Variants in SLC2A12 observed in about 807,000 individuals in gnomAD.
SLC2A12 encodes the protein solute carrier family 2, facilitated glucose transporter member 12.
Under a neutral mutation model 41.8 loss-of-function variants are expected in SLC2A12, and 23 were observed. The observed-to-expected ratio is 0.55, with a 90% confidence interval of 0.40 to 0.78. SLC2A12 has a LOEUF of 0.78. SLC2A12 is among the 30% of genes least tolerant of loss of function. The pLI is 0.00. For synonymous variants in SLC2A12, 295 were observed against 285.9 expected (o/e 1.03, Z -0.32); for missense variants, 654 against 745.6 (o/e 0.88, Z 1.43).
At chr6:134,028,354 C>A (rs755233856) in intron 2 of SLC2A12, 27 bp downstream of exon 2, 4 of 1,568,512 alleles carry the variant, frequency 2.6e-6, no homozygotes, top group Non-Finnish European at 3.5e-6. Flanking sequence ...TGGTCAAAAG[C>A]AATACATTAA....
chr6:134,010,848 T>G (rs1776871631), intron 2 of SLC2A12, among the ~76,000 whole-genome samples: 1 of 152,208 alleles, frequency 6.6e-6, no homozygotes, highest in African/African-American at 2.4e-5. Flanking sequence ...TCAATGGAAA[T>G]GGCAGCCCTG....
At chr6:134,015,076 CTTAA>C (rs2114447337) in intron 2 of SLC2A12, among the ~76,000 whole-genome samples, 1 of 152,250 alleles carries the variant, frequency 6.6e-6, no homozygotes, top group South Asian at 2.1e-4. Flanking sequence ...TGACCTTTGA[CTTAA>C]TTAGTTGAGA....
chr6:134,006,844 A>G lies in SLC2A12; in HGVS notation c.1535T>C (p.Leu512Pro). 6.2e-7 allele frequency: 1 copy of G among 1,614,186 alleles called. No individual in the cohort carries two copies. The highest frequency in any genetic ancestry group is 8.5e-7 in the Non-Finnish European group (1 of 1,180,024). The change falls in exon 3 of 5, where the codon CTC becomes CCC. Residue 512 changes from leucine to proline, a missense_variant. Transcript: ENST00000275230. ...LTSSMNWGIN[L>P]LISLTFLTVT... The stretch of plus-strand genomic sequence containing the variant: ...AGTCAAAAATGTCAGCGAGATGAGG[A>G]GATTGATGCCCCAGTTCATGCTAGA...
chr6:134,028,503 C>T lies in SLC2A12; in HGVS notation c.1322G>A (p.Gly441Glu). The T allele has an allele frequency of 1.2e-6, 2 of 1,614,198 alleles. No individual in the cohort carries two copies. Among genetic ancestry groups the T allele is most frequent in the Non-Finnish European group, 1.7e-6 (2 of 1,180,032 alleles). The part of the protein sequence containing the change: ...ETTSASLLNA[G>E]LSHTEYQIVT... ...TATCTGGTATTCAGTGTGGCTTAAT[C>T]CAGCATTTAGCAAGGATGCTGAGGT... Residue 441 changes from glycine to glutamate, a missense_variant, in exon 2 of 5, where the codon GGA (glycine) becomes GAA (glutamate). By Grantham distance (98) the Gly-to-Glu change is moderately conservative (BLOSUM62 -2). This residue lies in a region of SLC2A12 where 411 missense variants were observed against 412.1 expected (regional missense o/e 1.00). Coordinates refer to ENST00000275230, the MANE Select transcript of SLC2A12 (RefSeq NM_145176.3).
intron 4 of SLC2A12, among the ~76,000 whole-genome samples, chr6:133,996,788 G>A (rs962740203): frequency 6.6e-6 from 1 of 152,070 alleles, no homozygotes; most frequent in African/African-American, 2.4e-5. Flanking sequence ...CTACCACCTC[G>A]CATTTCCTTA....
At chr6:134,016,189 T>C (rs1776959678) in intron 2 of SLC2A12, among the ~76,000 whole-genome samples, 1 of 151,994 alleles carries the variant, frequency 6.6e-6, no homozygotes, top group South Asian at 2.1e-4. Flanking sequence ...TAATAAATAG[T>C]CTTGGAGATA....
At position 134,006,835 on chromosome 6, in the gene SLC2A12, G is replaced by A. The variant is rs1303422642; in HGVS notation, c.1544C>T (p.Ser515Leu). The A allele has an allele frequency of 3.1e-6, 5 of 1,614,094 alleles. No homozygotes were observed. The highest frequency in any genetic ancestry group is 3.4e-6 in the Non-Finnish European group (4 of 1,179,996). Residue 515 changes from serine to leucine, a missense_variant, in exon 3 of 5, where the codon TCG (serine) becomes TTG (leucine). Coordinates refer to ENST00000275230, the MANE Select transcript of SLC2A12 (RefSeq NM_145176.3). ...ACCAGTTACAGTCAAAAATGTCAGC[G>A]AGATGAGGAGATTGATGCCCCAGTT... ...SMNWGINLLISLTFLTVTDLI... is the reference protein window; with the variant it reads ...SMNWGINLLILLTFLTVTDLI...
At chr6:134,011,664 C>G (rs550499276) in intron 2 of SLC2A12, among the ~76,000 whole-genome samples, 2 of 152,114 alleles carry the variant, frequency 1.3e-5, no homozygotes, top group Admixed American at 1.3e-4. Context: ...AACAGGAGAT[C>G]GAGGCTGCAG....
intron 2 of SLC2A12, among the ~76,000 whole-genome samples, chr6:134,013,813 G>T (rs1352977892): frequency 6.6e-6 from 1 of 152,100 alleles, no homozygotes; most frequent in African/African-American, 2.4e-5. Context: ...ACTCATTTTT[G>T]AACAGCTACA....
intron 3 of SLC2A12, 138 bp downstream of exon 3, chr6:134,006,674 G>T (rs2114433382): frequency 9.5e-7 from 1 of 1,053,954 alleles, no homozygotes; most frequent in Non-Finnish European, 1.3e-6. Flanking sequence ...TGGGTCATGG[G>T]TACTTCAGGG....
chr6:134,025,445 AC>A, intron 2 of SLC2A12, among the ~76,000 whole-genome samples: 1 of 152,368 alleles, frequency 6.6e-6, no homozygotes, highest in South Asian at 2.1e-4. Context: ...TATTTGACAT[AC>A]TAGGTGTCAA....
intron 2 of SLC2A12, among the ~76,000 whole-genome samples, chr6:134,010,100 A>G (rs1241429745): frequency 6.6e-6 from 1 of 152,238 alleles, no homozygotes; most frequent in African/African-American, 2.4e-5. Context: ...GTTTCAGTTC[A>G]TAAGTAAGGA....
chr6:134,010,249 G>C (rs1776862358), intron 2 of SLC2A12, among the ~76,000 whole-genome samples: 1 of 152,106 alleles, frequency 6.6e-6, no homozygotes, highest in Non-Finnish European at 1.5e-5. Flanking sequence ...TCTCCCCAAG[G>C]AAAATTAAAT....
chr6:134,052,611 T>A lies in SLC2A12; in HGVS notation c.-131A>T, dbSNP rs1773708527. 4.5e-6 allele frequency: 3 copies of A among 666,324 alleles called. No homozygotes were observed. The African/African-American group carries it at 5.4e-5, about 12-fold the overall frequency. 41.3% of individuals were successfully genotyped at this position (666,324 alleles called of 1,614,324 possible). On this transcript the variant is annotated 5_prime_UTR_variant, in exon 1 of 5. Coordinates refer to ENST00000275230, the MANE Select transcript of SLC2A12 (RefSeq NM_145176.3). ...GGGGAAAAACTTCGGGCAAAGCTAA[T>A]GTGATTTGTGACCAACTTTGTTTCT...
intron 2 of SLC2A12, among the ~76,000 whole-genome samples, chr6:134,024,322 C>T (rs1777085315): frequency 6.6e-6 from 1 of 152,238 alleles, no homozygotes; most frequent in Non-Finnish European, 1.5e-5. Flanking sequence ...CTCCGGCCTG[C>T]CCTGCTGCCA....
chr6:134,003,286 G>A (rs1776774950), intron 3 of SLC2A12, among the ~76,000 whole-genome samples: 1 of 152,180 alleles, frequency 6.6e-6, no homozygotes, highest in Admixed American at 6.5e-5. Flanking sequence ...AGCTGGCACA[G>A]GGTATGGCCC....
chr6:134,006,194 A>AAAAAAAAAAAAAAAAAAG (rs1776813817), intron 3 of SLC2A12, among the ~76,000 whole-genome samples: 1 of 90,938 alleles, frequency 1.1e-5, no homozygotes, highest in Non-Finnish European at 2.5e-5. Context: ...AAAAAAAAAC[A>AAAAAAAAAAAAAAAAAAG]AAAAAAAAAA....
At chr6:133,991,911 G>A (rs1387946157) in intron 4 of SLC2A12, among the ~76,000 whole-genome samples, 2 of 152,152 alleles carry the variant, frequency 1.3e-5, no homozygotes, top group Admixed American at 6.5e-5. Context: ...GAGGGGAGAC[G>A]AGCTTATAAC....
rs1776614900 is a variant in SLC2A12, at chr6:133,991,029, G to T, written c.*126C>A. 5 of 1,112,966 alleles carry T rather than the reference G, an allele frequency of 4.5e-6. No homozygotes were observed. In the East Asian group the frequency reaches 7.5e-5, roughly 17 times the overall value. 68.9% of individuals were successfully genotyped at this position (1,112,966 alleles called of 1,614,324 possible). The stretch of plus-strand genomic sequence containing the variant: ...ATTAAAGGCTGTCTTTATCATTTCA[G>T]AGTGTCTCTTCAAAACCAGTTCCAT... On this transcript the variant is annotated 3_prime_UTR_variant, in exon 5 of 5. Transcript: ENST00000275230.
Sources: allele counts gnomAD v4.1 joint callset (sites outside exome capture counted in the v4.1 genomes callset), GRCh38; gene constraint gnomAD v4.1.1; regional missense constraint gnomAD v4.1.1; transcripts MANE v1.5; gene names NCBI Gene and HGNC (gene_info 2026-07-23, HGNC 2026-07-21).